The following HSPB7 variants were observed in gnomAD, a reference collection of about 807,000 sequenced individuals.
The protein encoded by HSPB7 is heat shock protein beta-7.
Under a neutral mutation model 11.0 loss-of-function variants are expected in HSPB7, and 9 were observed. That is an observed-to-expected ratio of 0.82 (90% CI 0.49 to 1.43). The LOEUF (loss-of-function observed/expected upper bound fraction) is 1.43. Ranked by LOEUF, HSPB7 falls within the 40% of genes most tolerant of loss-of-function variation. HSPB7 has a pLI of 0.00. For missense variants in HSPB7, 246 were observed against 243.9 expected, an observed-to-expected ratio of 1.01 and a Z score of -0.06; for synonymous variants, 102 against 101.6, an observed-to-expected ratio of 1.00 and a Z score of -0.02.
At position 16,015,154 on chromosome 1, in the gene HSPB7, C is replaced by T. The variant is rs1048238; in HGVS notation, c.*426G>A. 89,923 of 160,088 alleles carry T rather than the reference C, an allele frequency of 0.56. 26,197 individuals are homozygous for T. The highest frequency in any genetic ancestry group is 0.77 in the East Asian group (4,104 of 5,324). The allele number at this position is 160,088 out of a possible 1,614,324, so 9.9% of individuals were successfully genotyped here. On this transcript the variant is annotated 3_prime_UTR_variant, in exon 3 of 3. Transcript: ENST00000311890. The surrounding 1 kb of genome is among the most constrained non-coding windows in gnomAD (Gnocchi z 4.9). ...CCTTGCCTGTGACCTTCCCTCTGTCCCTCCCACTCCCCTTGGCCAAGAGGG... is the reference window on the plus strand; with the variant it reads ...CCTTGCCTGTGACCTTCCCTCTGTCTCTCCCACTCCCCTTGGCCAAGAGGG...
rs2021559727 is a variant in HSPB7, at chr1:16,014,566, A to T, written c.*1014T>A. ...GGAGATTGTAAATCTGATTTGAGAA[A>T]GCTCTGAATTTGGCCTCAACCAATG... On this transcript the variant is annotated 3_prime_UTR_variant, in exon 3 of 3. Transcript: ENST00000311890. The T allele has an allele frequency of 6.6e-6, 1 of 152,226 alleles. No individual in the cohort carries two copies. Among genetic ancestry groups the T allele is most frequent in the East Asian group, 1.9e-4 (1 of 5,188 alleles). The allele number at this position is 152,226 out of a possible 1,614,324, so 9.4% of individuals were successfully genotyped here. A position where few individuals can be genotyped will look rare whatever the true frequency, so the allele number is the denominator to read the frequency against.
Position 16,017,951 on chromosome 1 carries a change from T to C in HSPB7, c.13A>G (p.Thr5Ala), listed in dbSNP as rs2021887437. 1 of 1,613,158 alleles carries C rather than the reference T, an allele frequency of 6.2e-7. No individual in the cohort carries two copies. The highest frequency in any genetic ancestry group is 1.3e-5 in the African/African-American group (1 of 74,994). MSHR[T>A]SSTFRAERSF... The stretch of plus-strand genomic sequence containing the variant: ...CTCTCCGCTCGGAAGGTGGAAGAGG[T>C]TCTGTGGCTCATCCACGGACGGCGC... The change falls in exon 1 of 3, where the codon ACC (threonine) becomes GCC (alanine). Residue 5 changes from threonine (T) to alanine (A), a missense_variant. Thr to Ala is a moderately conservative substitution (Grantham distance 58, BLOSUM62 0). Transcript: ENST00000311890.
chr1:16,018,273 A>G, upstream of HSPB7: 1 of 1,370,266 alleles, frequency 7.3e-7, no homozygotes, highest in Non-Finnish European at 9.6e-7. Flanking sequence ...ACCACTGCAC[A>G]GGGCTGGATC....
intron 2 of HSPB7, among the ~76,000 whole-genome samples, chr1:16,016,663 C>A (rs1390691200): frequency 6.6e-6 from 1 of 152,040 alleles, no homozygotes; most frequent in African/African-American, 2.4e-5. Context: ...CCCCTCCCCC[C>A]ACTGCCCAGG....
upstream of HSPB7, chr1:16,018,538 T>C (rs1003262370): frequency 7.4e-6 from 8 of 1,077,598 alleles, no homozygotes; most frequent in Non-Finnish European, 9.0e-6. Context: ...ACAGCCCATC[T>C]CTAAGGAAAG....
At chr1:16,017,320 C>G (rs1739845) in intron 1 of HSPB7, 113 bp from the exon 2 acceptor site, 350 of 1,414,362 alleles carry the variant, frequency 2.5e-4, no homozygotes, top group Non-Finnish European at 3.0e-4. Context: ...CTACCTCCCC[C>G]CTAGCTGTTT....
rs200248116 is a variant in HSPB7 at position 16,015,616 on chromosome 1, G to C, written c.477C>G (p.His159Gln). The C allele has an allele frequency of 2.5e-5, 40 of 1,614,096 alleles. No individual in the cohort carries two copies. The East Asian group carries it at 8.0e-4, about 32-fold the overall frequency. The change falls in exon 3 of 3, where the codon CAC (histidine) becomes CAG (glutamine). Residue 159 changes from histidine (H) to glutamine (Q), a missense_variant. By Grantham distance (24) the His-to-Gln change is conservative. Coordinates refer to ENST00000311890, the MANE Select transcript of HSPB7 (RefSeq NM_014424.5). The surrounding 1 kb of genome is among the most constrained non-coding windows in gnomAD (Gnocchi z 4.9). ...TCTCCGTCCGGAAGGTCTGCTGGAC[G>C]TGTTCTGTATGCGGGTGACGCCGTG... Reference protein sequence around the residue: ...IRARRHPHTEHVQQTFRTEIK... With the variant: ...IRARRHPHTEQVQQTFRTEIK...
chr1:16,019,502 T>C (rs1046038570), upstream of HSPB7: 2 of 1,506,250 alleles, frequency 1.3e-6, no homozygotes, highest in African/African-American at 2.9e-5. Context: ...GGGCAGTTTC[T>C]CTTTTGTCTG....
upstream of HSPB7, chr1:16,019,266 T>A (rs1156612875): frequency 6.6e-7 from 1 of 1,504,884 alleles, no homozygotes; most frequent in African/African-American, 1.4e-5. Flanking sequence ...CAATGCCTCC[T>A]CCCCCAGGGA....
At chr1:16,018,189 G>C (rs56783248), upstream of HSPB7, 3 of 1,515,116 alleles carry the variant, frequency 2.0e-6, no homozygotes, top group Non-Finnish European at 2.7e-6. Flanking sequence ...CTGACAGCCC[G>C]ACACGCAGGC....
intron 1 of HSPB7, 79 bp from the exon 2 acceptor site, chr1:16,017,286 G>A: frequency 6.4e-7 from 1 of 1,558,712 alleles, no homozygotes; most frequent in Non-Finnish European, 8.7e-7. Flanking sequence ...CTTCTCTTGG[G>A]GCAAGGGGCG....
At position 16,017,142 on chromosome 1, in the gene HSPB7, T is replaced by C; in HGVS notation, c.265A>G (p.Arg89Gly). 1 of 1,613,734 alleles carries C rather than the reference T, an allele frequency of 6.2e-7. No individual in the cohort carries two copies. The highest frequency in any genetic ancestry group is 1.1e-5 in the South Asian group (1 of 91,060). The change falls in exon 2 of 3, where the codon AGA becomes GGA. Residue 89 changes from arginine to glycine, a missense_variant. By Grantham distance (125) the Arg-to-Gly change is moderately radical. Coordinates refer to ENST00000311890, the MANE Select transcript of HSPB7 (RefSeq NM_014424.5). ...GDAYEFAVDV[R>G]DFSPEDIIVT... ...ATGATGTCTTCAGGTGAGAAGTCTC[T>C]CACGTCCACCGCAAACTCATAGGCG...
upstream of HSPB7, chr1:16,018,200 C>G (rs1251985650): frequency 4.7e-6 from 7 of 1,501,012 alleles, no homozygotes; most frequent in Non-Finnish European, 6.3e-6. Context: ...ACACGCAGGC[C>G]GAGAGGGCTG....
In HSPB7 at chr1:16,016,978, C is replaced by G. The variant is rs1284082907; in HGVS notation, c.333+96G>C. On this transcript the variant is annotated intron_variant, in intron 2 of 2. Transcript: ENST00000311890. ...AGTTTGGGTGGGGAAGGGACACTGG[C>G]CAGGGTCTGGGGTCCCAGGATGGTA... The G allele has an allele frequency of 3.8e-6, 5 of 1,301,560 alleles. No homozygotes were observed. In the Admixed American group the frequency reaches 9.7e-5, roughly 25 times the overall value. 80.6% of individuals were successfully genotyped at this position (1,301,560 alleles called of 1,614,324 possible). A position where few individuals can be genotyped will look rare whatever the true frequency, so the allele number is the denominator to read the frequency against.
chr1:16,015,228 G>T lies in HSPB7; in HGVS notation c.*352C>A. On this transcript the variant is annotated 3_prime_UTR_variant, in exon 3 of 3. Coordinates refer to ENST00000311890, the MANE Select transcript of HSPB7 (RefSeq NM_014424.5). The surrounding 1 kb of genome is among the most constrained non-coding windows in gnomAD (Gnocchi z 4.9). Reference sequence around the variant, plus strand: ...CCTGCAGAGACTTCATAGATCAGAGGGTTTGTCTGTCTGTCTGTCCTGCAG... The same window carrying T: ...CCTGCAGAGACTTCATAGATCAGAGTGTTTGTCTGTCTGTCTGTCCTGCAG... 4.3e-6 allele frequency: 1 copy of T among 231,946 alleles called. No individual in the cohort carries two copies. The highest frequency in any genetic ancestry group is 8.5e-6 in the Non-Finnish European group (1 of 117,460). 14.4% of individuals were successfully genotyped at this position (231,946 alleles called of 1,614,324 possible). A position where few individuals can be genotyped will look rare whatever the true frequency, so the allele number is the denominator to read the frequency against.
chr1:16,015,436 T>G lies in HSPB7; in HGVS notation c.*144A>C. 3 of 701,512 alleles carry G rather than the reference T, an allele frequency of 4.3e-6. No homozygotes were observed. The highest frequency in any genetic ancestry group is 1.8e-5 in the South Asian group (1 of 55,958). The allele number at this position is 701,512 out of a possible 1,614,324, so 43.5% of individuals were successfully genotyped here. A position where few individuals can be genotyped will look rare whatever the true frequency, so the allele number is the denominator to read the frequency against. On this transcript the variant is annotated 3_prime_UTR_variant, in exon 3 of 3. Coordinates refer to ENST00000311890, the MANE Select transcript of HSPB7 (RefSeq NM_014424.5). The surrounding 1 kb of genome is among the most constrained non-coding windows in gnomAD (Gnocchi z 4.9). ...CCCTGGATAGAGTGGAGGGCCCTAG[T>G]TTGGGAGGATGGTCCACCTGGGGTC... is the stretch of plus-strand genomic sequence containing the variant.
At position 16,015,597 on chromosome 1, in the gene HSPB7, T is replaced by C; in HGVS notation, c.496A>G (p.Thr166Ala). ...HTEHVQQTFR[T>A]EIKI ...AGAGGCACTCAGATTTTGATCTCCG[T>C]CCGGAAGGTCTGCTGGACGTGTTCT... Residue 166 changes from threonine to alanine, a missense_variant, in exon 3 of 3, where the codon ACG becomes GCG. Thr to Ala is a moderately conservative substitution (Grantham distance 58). Coordinates refer to ENST00000311890, the MANE Select transcript of HSPB7 (RefSeq NM_014424.5). This position sits in a 1 kb window ranked among gnomAD's most constrained non-coding sequence, Gnocchi z 4.9. 6.2e-7 allele frequency: 1 copy of C among 1,614,000 alleles called. No individual in the cohort carries two copies. Among genetic ancestry groups the C allele is most frequent in the Non-Finnish European group, 8.5e-7 (1 of 1,179,952 alleles).
At chr1:16,019,388 G>A (rs772109444), upstream of HSPB7, 13 of 1,501,770 alleles carry the variant, frequency 8.7e-6, no homozygotes, top group Non-Finnish European at 1.2e-5. Context: ...GTCTTCCTGT[G>A]TGCTGTGACT....
chr1:16,018,874 G>GGCCC (rs1182729817), upstream of HSPB7: 1 of 1,327,948 alleles, frequency 7.5e-7, no homozygotes, highest in Non-Finnish European at 9.7e-7. Context: ...TGTCCAGCAC[G>GGCCC]GCCCCGTTTG....
Sources: gnomAD v4.1 joint callset for allele counts (sites outside exome capture counted in the v4.1 genomes callset) on GRCh38, gnomAD v4.1.1 for gene constraint, Gnocchi (gnomAD v3.1) non-coding constraint, MANE v1.5 for transcripts, NCBI Gene and HGNC (gene_info 2026-07-23, HGNC 2026-07-21) for gene names.